The following BLTP1 variants were observed in gnomAD, a reference collection of about 807,000 sequenced individuals.
BLTP1 encodes bridge-like lipid transfer protein family member 1, also known as fragile site-associated protein.
the BLTP1 span, chr4:122,215,493 A>G: frequency 2.0e-6 from 2 of 985,204 alleles, no homozygotes; most frequent in South Asian, 9.4e-5. Flanking sequence ...GTTTGGGGAG[A>G]AGGTGGGACA....
chr4:122,306,124 C>T, the BLTP1 span: 2 of 1,397,004 alleles, frequency 1.4e-6, no homozygotes, highest in South Asian at 1.4e-5. Context: ...TTGTAGTTTA[C>T]TGGTGTAAAT....
At chr4:122,289,702 A>G in the BLTP1 span, 10 of 951,586 alleles carry the variant, frequency 1.1e-5, no homozygotes, top group Non-Finnish European at 1.3e-5. Context: ...ACTGTATAAC[A>G]GTTCTTAATG....
At chr4:122,299,762 A>T in the BLTP1 span, 3 of 979,212 alleles carry the variant, frequency 3.1e-6, no homozygotes, top group Non-Finnish European at 3.6e-6. Flanking sequence ...GTATGTATGT[A>T]TATGGCTGTA....
the BLTP1 span, chr4:122,202,635 T>C: frequency 2.0e-6 from 1 of 503,666 alleles, no homozygotes; most frequent in Non-Finnish European, 2.6e-6. Flanking sequence ...AAGTATTTAC[T>C]CCTTCACATT....
chr4:122,280,699 TA>T, the BLTP1 span, among the ~76,000 whole-genome samples: 1 of 151,464 alleles, frequency 6.6e-6, no homozygotes, highest in Non-Finnish European at 1.5e-5. Flanking sequence ...TGTAAAAGGT[TA>T]AAAATTTGTC....
chr4:122,187,428 T>C, the BLTP1 span: 5 of 1,610,766 alleles, frequency 3.1e-6, no homozygotes, highest in Non-Finnish European at 4.2e-6. Flanking sequence ...TTTTTCTTGT[T>C]AGAGTTAAAG....
chr4:122,254,589 CT>C, the BLTP1 span: 139 of 917,702 alleles, frequency 1.5e-4, no homozygotes, highest in Non-Finnish European at 1.8e-4. Context: ...TTTGTTTACT[CT>C]TTTTATCTCT....
At chr4:122,339,421 TTC>T in the BLTP1 span, 1 of 1,598,980 alleles carries the variant, frequency 6.3e-7, no homozygotes, top group South Asian at 1.1e-5. Context: ...ATAGATAATG[TTC>T]TTTTATTCCT....
At chr4:122,340,812 C>CACTCACT in the BLTP1 span, 1 of 959,642 alleles carries the variant, frequency 1.0e-6, no homozygotes, top group Non-Finnish European at 1.2e-6. Flanking sequence ...ATAAAAGTTA[C>CACTCACT]ACTCACTATT....
At chr4:122,265,651 GCT>G in the BLTP1 span, among the ~76,000 whole-genome samples, 12 of 152,150 alleles carry the variant, frequency 7.9e-5, no homozygotes, top group Non-Finnish European at 1.3e-4. Flanking sequence ...TACAGGCTTG[GCT>G]CTCATTGTGT....
At chr4:122,223,901 C>A in the BLTP1 span, 1 of 607,774 alleles carries the variant, frequency 1.6e-6, no homozygotes, top group Non-Finnish European at 2.1e-6. Flanking sequence ...ACTAGTGTTC[C>A]ATGAAATAAT....
the BLTP1 span, among the ~76,000 whole-genome samples, chr4:122,216,379 C>A: frequency 6.6e-6 from 1 of 152,100 alleles, no homozygotes; most frequent in Non-Finnish European, 1.5e-5. Context: ...TACATTCCCA[C>A]CAGCAGTGTA....
chr4:122,233,785 A>G, the BLTP1 span, among the ~76,000 whole-genome samples: 6 of 152,258 alleles, frequency 3.9e-5, no homozygotes, highest in South Asian at 6.2e-4. Context: ...TTACCTCATA[A>G]CACTTAATAC....
At chr4:122,188,116 A>T in the BLTP1 span, 1 of 1,420,146 alleles carries the variant, frequency 7.0e-7, no homozygotes. Flanking sequence ...AAATAATAAA[A>T]AACTTCTTAT....
chr4:122,205,117 A>G, the BLTP1 span, among the ~76,000 whole-genome samples: 2 of 151,886 alleles, frequency 1.3e-5, no homozygotes, highest in Non-Finnish European at 2.9e-5. Context: ...AAATGGGTTC[A>G]TATGATATTA....
chr4:122,254,514 T>C, the BLTP1 span: 2 of 937,286 alleles, frequency 2.1e-6, no homozygotes, highest in African/African-American at 3.6e-5. Flanking sequence ...TAGTCTTACC[T>C]TGTTTGACCC....
chr4:122,162,550 G>A, the BLTP1 span: 1 of 985,380 alleles, frequency 1.0e-6, no homozygotes, highest in Non-Finnish European at 1.2e-6. Flanking sequence ...AAATCTTGCT[G>A]AGATGGGGTG....
chr4:122,309,063 T>C, the BLTP1 span: 1 of 248,046 alleles, frequency 4.0e-6, no homozygotes, highest in Non-Finnish European at 6.4e-6. Flanking sequence ...CCTTTGTATG[T>C]TAAGTAAGAA....
At chr4:122,181,023 C>T in the BLTP1 span, among the ~76,000 whole-genome samples, 6 of 152,110 alleles carry the variant, frequency 3.9e-5, no homozygotes, top group African/African-American at 1.2e-4. Flanking sequence ...TATTCAGATC[C>T]ATATTCATTT....
Sources: gnomAD v4.1 joint callset for allele counts (sites outside exome capture counted in the v4.1 genomes callset) on GRCh38, gnomAD v4.1.1 for gene constraint, MANE v1.5 for transcripts, NCBI Gene and HGNC (gene_info 2026-07-23, HGNC 2026-07-21) for gene names.